Variants in SLC9A9 observed in about 807,000 individuals in gnomAD.
SLC9A9 encodes the protein sodium/hydrogen exchanger 9.
A neutral mutation model predicts 77.8 loss-of-function variants in SLC9A9; 62 were observed. The observed-to-expected ratio is 0.80, with a 90% CI of 0.65 to 0.98. The LOEUF is 0.98. SLC9A9 is among the 50% of genes least tolerant of loss of function. The pLI is 0.00. For missense variants in SLC9A9, 775 were observed against 774.9 expected (o/e 1.00, Z 0.00); for synonymous variants, 320 against 283.5 (o/e 1.13, Z -1.29).
intron 4 of SLC9A9, among the ~76,000 whole-genome samples, chr3:143,709,116 G>A (rs544316486): frequency 4.6e-5 from 7 of 152,186 alleles, no homozygotes; most frequent in African/African-American, 1.2e-4. Flanking sequence ...AGGCGTGGGC[G>A]GCAAAAGTTG....
intron 12 of SLC9A9, among the ~76,000 whole-genome samples, chr3:143,436,132 C>T (rs2034617382): frequency 6.6e-6 from 1 of 152,146 alleles, no homozygotes; most frequent in Non-Finnish European, 1.5e-5. Context: ...CTCACAGTAC[C>T]TGTCCGGACA....
intron 12 of SLC9A9, among the ~76,000 whole-genome samples, chr3:143,395,865 C>T (rs1475831682): frequency 6.6e-6 from 1 of 152,146 alleles, no homozygotes; most frequent in East Asian, 1.9e-4. Flanking sequence ...TCATCACTGG[C>T]CATCAGAGAA....
chr3:143,755,358 G>A (rs528095455), intron 4 of SLC9A9, among the ~76,000 whole-genome samples: 1 of 152,176 alleles, frequency 6.6e-6, no homozygotes. Flanking sequence ...ATAGTTATGT[G>A]ACCATAGGTA....
intron 6 of SLC9A9, among the ~76,000 whole-genome samples, chr3:143,595,309 A>G (rs181071177): frequency 6.6e-6 from 1 of 152,334 alleles, no homozygotes; most frequent in Admixed American, 6.5e-5. Context: ...AAAATTAATT[A>G]TACTAAGATG....
At chr3:143,537,123 C>CTCAGCATCTGGTGT (rs1223438332) in intron 9 of SLC9A9, among the ~76,000 whole-genome samples, 1 of 152,194 alleles carries the variant, frequency 6.6e-6, no homozygotes, top group Non-Finnish European at 1.5e-5. Flanking sequence ...ATGACAGGAC[C>CTCAGCATCTGGTGT]TCAGCATCTG....
intron 9 of SLC9A9, among the ~76,000 whole-genome samples, chr3:143,511,675 G>A (rs73146748): frequency 0.028 from 4,264 of 152,270 alleles, 142 homozygotes; most frequent in East Asian, 0.15. Context: ...CCTTGTCCAG[G>A]CATAACTGGG....
At chr3:143,374,298 G>T (rs911147298) in intron 13 of SLC9A9, among the ~76,000 whole-genome samples, 1 of 151,558 alleles carries the variant, frequency 6.6e-6, no homozygotes, top group African/African-American at 2.4e-5. Flanking sequence ...GGTGGCGGGC[G>T]CCTGTAGTCC....
At position 143,327,476 on chromosome 3, in the gene SLC9A9, C is replaced by G. The variant is rs78931479; in HGVS notation, c.1604+36008G>C. 6.7e-3 allele frequency among the ~76,000 whole-genome samples: 1,020 copies of G among 152,300 alleles called. 6 individuals carry two copies. Among genetic ancestry groups the G allele is most frequent in the African/African-American group, 0.023 (974 of 41,564 alleles). Reference sequence around the variant, plus strand: ...GAGGAAAAGGAGACAGATTTTGGCACTGTTACTTTTCCAGCTCCTTTTACT... The same window carrying G: ...GAGGAAAAGGAGACAGATTTTGGCAGTGTTACTTTTCCAGCTCCTTTTACT... On this transcript the variant is annotated intron_variant, in intron 14 of 15. Coordinates refer to ENST00000316549, the MANE Select transcript of SLC9A9 (RefSeq NM_173653.4).
chr3:143,706,950 AT>A (rs1933998473), intron 4 of SLC9A9, among the ~76,000 whole-genome samples: 2 of 152,082 alleles, frequency 1.3e-5, no homozygotes, highest in South Asian at 4.1e-4. Context: ...GCTGCCTCCA[AT>A]TTTTGGTCCC....
intron 9 of SLC9A9, chr3:143,517,726 G>A: frequency 6.3e-7 from 1 of 1,597,822 alleles, no homozygotes. Context: ...CACAGTCTTG[G>A]ATGGCAGCAC....
At chr3:143,484,943 T>A (rs1576528673) in intron 11 of SLC9A9, among the ~76,000 whole-genome samples, 1 of 152,244 alleles carries the variant, frequency 6.6e-6, no homozygotes, top group East Asian at 1.9e-4. Context: ...CCTAGACAAC[T>A]ATTACACTGG....
At chr3:143,363,164 C>T (rs1203860623) in intron 14 of SLC9A9, among the ~76,000 whole-genome samples, 1 of 152,124 alleles carries the variant, frequency 6.6e-6, no homozygotes, top group Middle Eastern at 3.2e-3. Context: ...CCTATTTGAC[C>T]AGAAGTAAGA....
intron 14 of SLC9A9, among the ~76,000 whole-genome samples, chr3:143,283,860 A>T (rs759434695): frequency 5.3e-5 from 8 of 152,190 alleles, no homozygotes; most frequent in Non-Finnish European, 1.0e-4. Context: ...AAATGGAAAG[A>T]TGTACTTTCT....
At chr3:143,815,386 G>A (rs1041894670) in intron 2 of SLC9A9, among the ~76,000 whole-genome samples, 1 of 152,158 alleles carries the variant, frequency 6.6e-6, no homozygotes, top group Admixed American at 6.5e-5. Flanking sequence ...GGGAGAAGCT[G>A]CCTTAGAGGC....
At chr3:143,400,048 G>T (rs1350900058) in intron 12 of SLC9A9, among the ~76,000 whole-genome samples, 1 of 152,136 alleles carries the variant, frequency 6.6e-6, no homozygotes, top group East Asian at 1.9e-4. Flanking sequence ...CATCTAAGAA[G>T]AAAAACGCTG....
chr3:143,536,800 C>A (rs866555512), intron 9 of SLC9A9, among the ~76,000 whole-genome samples: 1 of 152,216 alleles, frequency 6.6e-6, no homozygotes, highest in African/African-American at 2.4e-5. Flanking sequence ...AAATCCCTTG[C>A]AGAGTTTTCT....
chr3:143,762,203 A>C (rs1446429140), intron 4 of SLC9A9, among the ~76,000 whole-genome samples: 2 of 151,974 alleles, frequency 1.3e-5, no homozygotes, highest in Non-Finnish European at 2.9e-5. Flanking sequence ...GGGTTGGGGG[A>C]GGGGGAAGGG....
chr3:143,643,773 C>T (rs578023466), intron 6 of SLC9A9, among the ~76,000 whole-genome samples: 2 of 152,176 alleles, frequency 1.3e-5, no homozygotes, highest in South Asian at 2.1e-4. Flanking sequence ...ACTTGTCCTC[C>T]AACCACTTTC....
At position 143,727,547 on chromosome 3, in the gene SLC9A9, T is replaced by C. The variant is rs531246387; in HGVS notation, c.534-34240A>G. On this transcript the variant is annotated intron_variant, in intron 4 of 15. Coordinates refer to ENST00000316549, the MANE Select transcript of SLC9A9 (RefSeq NM_173653.4). ...CTTTAGGACCAACACTAGTTTCTTT[T>C]ACTATGATTAGATTACTCTTTAGTG... 2.6e-5 allele frequency among the ~76,000 whole-genome samples: 4 copies of C among 152,268 alleles called. No individual in the cohort carries two copies. In the South Asian group the frequency reaches 8.3e-4, roughly 32 times the overall value.
Sources: gnomAD v4.1 joint callset for allele counts (sites outside exome capture counted in the v4.1 genomes callset) on GRCh38, gnomAD v4.1.1 for gene constraint, MANE v1.5 for transcripts, NCBI Gene and HGNC (gene_info 2026-07-23, HGNC 2026-07-21) for gene names.